Variants in IFI16 observed in about 807,000 individuals in gnomAD.
IFI16 encodes the protein gamma-interferon-inducible protein 16.
A neutral mutation model predicts 68.4 loss-of-function variants in IFI16; 49 were observed. The ratio of observed to expected loss-of-function variants is 0.72; its 90% CI spans 0.57 to 0.91. IFI16 has a LOEUF of 0.91. Ranked by LOEUF, IFI16 falls within the 40% of genes least tolerant of loss-of-function variation. The pLI, the probability that IFI16 is intolerant of heterozygous loss-of-function variation, is 0.00. For missense variants in IFI16, 878 were observed against 942.9 expected, an observed-to-expected ratio of 0.93 and a Z score of 0.90; for synonymous variants, 307 against 315.0, an observed-to-expected ratio of 0.97 and a Z score of 0.27.
rs1652816136 is a variant in IFI16, at chr1:159,014,752, G to A, written c.72G>A (p.Met24Ile). The A allele has an allele frequency of 6.2e-7, 1 of 1,608,858 alleles. No individual in the cohort carries two copies. The highest frequency in any genetic ancestry group is 1.3e-5 in the African/African-American group (1 of 74,926). ...LEVINDYHFR[M>I]VKSLLSNDLK... ...TCATCAATGATTATCATTTTAGAAT[G>A]GTTAAGTCCTTACTGAGCAACGATT... The change falls in exon 2 of 12, where the codon ATG (methionine) becomes ATA (isoleucine). Residue 24 changes from methionine to isoleucine, a missense_variant. Met to Ile is a conservative substitution (Grantham distance 10). Coordinates refer to ENST00000295809, the MANE Select transcript of IFI16 (RefSeq NM_001376587.1).
At chr1:159,002,992 T>A (rs555739400), upstream of IFI16, among the ~76,000 whole-genome samples, 5 of 152,210 alleles carry the variant, frequency 3.3e-5, no homozygotes, top group Admixed American at 6.5e-5. Context: ...TCAAACCATA[T>A]CTATCTACTT....
intron 6 of IFI16, among the ~76,000 whole-genome samples, chr1:159,024,798 G>T (rs72704986): frequency 0.034 from 5,139 of 151,986 alleles, 111 homozygotes; most frequent in Non-Finnish European, 0.046. Context: ...AATAACAAAA[G>T]AAAAAAATAT....
chr1:159,037,162 A>G (rs1372417089), intron 7 of IFI16, among the ~76,000 whole-genome samples: 1 of 152,228 alleles, frequency 6.6e-6, no homozygotes, highest in African/African-American at 2.4e-5. Flanking sequence ...CTTGAAAGAA[A>G]GTTAATGACA....
chr1:159,026,374 C>G (rs1313167311), intron 6 of IFI16, among the ~76,000 whole-genome samples: 1 of 151,022 alleles, frequency 6.6e-6, no homozygotes, highest in Non-Finnish European at 1.5e-5. Flanking sequence ...TCTTGGCTCA[C>G]TGCAACCTCT....
chr1:159,010,087 A>C lies in IFI16; in HGVS notation c.-95A>C, dbSNP rs1347930280. ...ACTTTACTGATTTATCTCCCCCCTC[A>C]CACAAATAAGCATTGATTCCTGCAT... is the stretch of plus-strand genomic sequence containing the variant. On this transcript the variant is annotated 5_prime_UTR_variant, in exon 1 of 12. Coordinates refer to ENST00000295809, the MANE Select transcript of IFI16 (RefSeq NM_001376587.1). 6.6e-6 allele frequency: 1 copy of C among 152,110 alleles called. No individual in the cohort carries two copies. Among genetic ancestry groups the C allele is most frequent in the Non-Finnish European group, 1.5e-5 (1 of 68,028 alleles). 9.4% of individuals were successfully genotyped at this position (152,110 alleles called of 1,614,324 possible).
At chr1:159,048,767 G>A (rs1052992071) in intron 8 of IFI16, among the ~76,000 whole-genome samples, 2 of 151,566 alleles carry the variant, frequency 1.3e-5, no homozygotes, top group African/African-American at 4.8e-5. Context: ...GGTAGTCAAG[G>A]TATGTGATTT....
chr1:159,021,460 C>T (rs1422995400), intron 6 of IFI16, among the ~76,000 whole-genome samples: 1 of 152,178 alleles, frequency 6.6e-6, no homozygotes, highest in African/African-American at 2.4e-5. Context: ...TAATAGTATT[C>T]CACGGTGTAT....
intron 9 of IFI16, among the ~76,000 whole-genome samples, chr1:159,050,323 A>G (rs1434380039): frequency 6.6e-6 from 1 of 152,238 alleles, no homozygotes; most frequent in African/African-American, 2.4e-5. Flanking sequence ...GAACATAATA[A>G]GATCACATGT....
chr1:159,014,991 C>T (rs1283941896), intron 2 of IFI16, 46 bp downstream of exon 2: 2 of 1,515,788 alleles, frequency 1.3e-6, no homozygotes, highest in African/African-American at 1.4e-5. Flanking sequence ...CATCCCCAAA[C>T]CCTCCCCAAC....
At chr1:159,021,567 T>C (rs1463189455) in intron 6 of IFI16, among the ~76,000 whole-genome samples, 1 of 152,232 alleles carries the variant, frequency 6.6e-6, no homozygotes, top group African/African-American at 2.4e-5. Flanking sequence ...AACATGCATG[T>C]GCAATGATCT....
intron 6 of IFI16, among the ~76,000 whole-genome samples, chr1:159,027,010 G>T (rs1161083409): frequency 6.6e-6 from 1 of 152,078 alleles, no homozygotes; most frequent in Non-Finnish European, 1.5e-5. Context: ...TGCCGATTTG[G>T]ATTTCCTTTA....
In IFI16 at chr1:159,054,879, C is replaced by G; in HGVS notation, c.2336C>G (p.Thr779Ser). The G allele has an allele frequency of 1.9e-6, 3 of 1,593,268 alleles. No homozygotes were observed. Among genetic ancestry groups the G allele is most frequent in the Non-Finnish European group, 2.6e-6 (3 of 1,163,208 alleles). The change falls in exon 12 of 12, where the codon ACT (threonine) becomes AGT (serine). Residue 779 changes from threonine to serine, a missense_variant. Transcript: ENST00000295809. ...CTCAATCCTGATTCAAGTATGGAAACTTCACCAGACTTTTTCTTCTAAAAT... is the reference window on the plus strand; with the variant it reads ...CTCAATCCTGATTCAAGTATGGAAAGTTCACCAGACTTTTTCTTCTAAAAT... ...DILNPDSSME[T>S]SPDFFF
chr1:159,006,339 A>T (rs1652257426), upstream of IFI16, among the ~76,000 whole-genome samples: 1 of 152,220 alleles, frequency 6.6e-6, no homozygotes, highest in South Asian at 2.1e-4. Flanking sequence ...CTTAAAAGAC[A>T]AATGGTTACA....
At chr1:159,045,925 A>G (rs1322068451) in intron 8 of IFI16, among the ~76,000 whole-genome samples, 1 of 151,310 alleles carries the variant, frequency 6.6e-6, no homozygotes, top group Admixed American at 6.6e-5. Context: ...GCCACATTTC[A>G]GTACATGGTC....
In IFI16 at chr1:159,055,056, T is replaced by A. The variant is rs1284311942; in HGVS notation, c.*155T>A. On this transcript the variant is annotated 3_prime_UTR_variant, in exon 12 of 12. Coordinates refer to ENST00000295809, the MANE Select transcript of IFI16 (RefSeq NM_001376587.1). ...GAATGGGGTATTGGGAGTGCTTTTT[T>A]AATTTTTCATAGTTTTTTTTTAATA... 7 of 409,308 alleles carry A rather than the reference T, an allele frequency of 1.7e-5. No homozygotes were observed. Among genetic ancestry groups the A allele is most frequent in the East Asian group, 1.5e-4 (4 of 27,388 alleles). The allele number at this position is 409,308 out of a possible 1,614,324, so 25.4% of individuals were successfully genotyped here. A position where few individuals can be genotyped will look rare whatever the true frequency, so the allele number is the denominator to read the frequency against.
At chr1:159,047,880 T>C (rs1003999458) in intron 8 of IFI16, among the ~76,000 whole-genome samples, 2 of 150,958 alleles carry the variant, frequency 1.3e-5, no homozygotes, top group Admixed American at 1.3e-4. Context: ...GCATAATTCA[T>C]GAACAGGGTA....
Position 159,053,655 on chromosome 1 carries a change from C to T in IFI16, c.2208C>T (p.Thr736=), listed in dbSNP as rs1182109376. Reference sequence around the variant, plus strand: ...AGGAAGGAGATAAACTGAAACTCACCTGCTTTGAATTGGCACCGAAAAGTG... The same window carrying T: ...AGGAAGGAGATAAACTGAAACTCACTTGCTTTGAATTGGCACCGAAAAGTG... ...NCEEGDKLKL[T]CFELAPKSGN... is the part of the protein sequence containing the mutation. Residue 736 remains threonine, a synonymous_variant, in exon 11 of 12, where the codon ACC becomes ACT. Coordinates refer to ENST00000295809, the MANE Select transcript of IFI16 (RefSeq NM_001376587.1). The T allele has an allele frequency of 3.7e-6, 6 of 1,613,964 alleles. No homozygotes were observed. The highest frequency in any genetic ancestry group is 1.6e-4 in the Middle Eastern group (1 of 6,062).
intron 7 of IFI16, among the ~76,000 whole-genome samples, chr1:159,039,814 C>G (rs2101894179): frequency 6.6e-6 from 1 of 152,308 alleles, no homozygotes; most frequent in South Asian, 2.1e-4. Context: ...AGTGAGCCAT[C>G]CTCAGACTTC....
intron 7 of IFI16, among the ~76,000 whole-genome samples, chr1:159,041,578 C>T (rs991386012): frequency 6.6e-5 from 10 of 152,080 alleles, no homozygotes; most frequent in African/African-American, 2.2e-4. Context: ...CTGAGTCATG[C>T]CCCCCTCATC....
Sources: gnomAD v4.1 joint callset for allele counts (sites outside exome capture counted in the v4.1 genomes callset) on GRCh38, gnomAD v4.1.1 for gene constraint, MANE v1.5 for transcripts, NCBI Gene and HGNC (gene_info 2026-07-23, HGNC 2026-07-21) for gene names.